The following GRIK2 variants were observed in gnomAD, a reference collection of about 807,000 sequenced individuals.
The protein encoded by GRIK2 is glutamate receptor ionotropic, kainate 2.
A neutral mutation model predicts 100.3 loss-of-function variants in GRIK2; 32 were observed. That is an observed-to-expected ratio of 0.32 (90% CI 0.24 to 0.43). GRIK2 has a LOEUF of 0.43. Ranked by LOEUF, GRIK2 falls within the 20% of genes least tolerant of loss-of-function variation. The pLI is 1.00. For missense variants in GRIK2, 843 were observed against 1,114.9 expected, an observed-to-expected ratio of 0.76 and a Z score of 3.47; for synonymous variants, 417 against 389.4, an observed-to-expected ratio of 1.07 and a Z score of -0.83.
intron 2 of GRIK2, among the ~76,000 whole-genome samples, chr6:101,555,795 T>C (rs1776709089): frequency 6.6e-6 from 1 of 152,194 alleles, no homozygotes; most frequent in Admixed American, 6.5e-5. Context: ...TTTATCTGTT[T>C]CTATTGAGGT....
At chr6:101,462,595 C>G (rs573266302) in intron 2 of GRIK2, among the ~76,000 whole-genome samples, 2 of 150,052 alleles carry the variant, frequency 1.3e-5, no homozygotes, top group African/African-American at 4.8e-5. Flanking sequence ...CTATTAGTAT[C>G]ATTACACACA....
chr6:101,422,399 A>T (rs1272789075), intron 2 of GRIK2, among the ~76,000 whole-genome samples: 1 of 152,148 alleles, frequency 6.6e-6, no homozygotes, highest in East Asian at 1.9e-4. Context: ...AGTAGGCTCA[A>T]GTATTACATG....
intron 10 of GRIK2, among the ~76,000 whole-genome samples, chr6:101,822,942 A>G (rs767082942): frequency 6.6e-6 from 1 of 152,156 alleles, no homozygotes; most frequent in Non-Finnish European, 1.5e-5. Flanking sequence ...TCAAAATAGC[A>G]TCTTGATTGA....
intron 14 of GRIK2, among the ~76,000 whole-genome samples, chr6:101,983,902 A>G (rs1262646507): frequency 6.6e-6 from 1 of 151,688 alleles, no homozygotes; most frequent in Non-Finnish European, 1.5e-5. Context: ...GAGAATCACC[A>G]TATATATATT....
chr6:101,688,061 A>T (rs1392448034), intron 7 of GRIK2, among the ~76,000 whole-genome samples: 1 of 147,136 alleles, frequency 6.8e-6, no homozygotes, highest in Non-Finnish European at 1.5e-5. Flanking sequence ...TTTTTATATA[A>T]TATATAAAAA....
At chr6:101,550,439 AT>A (rs751677975) in intron 2 of GRIK2, among the ~76,000 whole-genome samples, 3 of 152,174 alleles carry the variant, frequency 2.0e-5, no homozygotes, top group Non-Finnish European at 4.4e-5. Context: ...AGTTTGCTTA[AT>A]TTACAGCTTT....
chr6:101,939,872 G>T (rs182794391), intron 14 of GRIK2, among the ~76,000 whole-genome samples: 1 of 152,168 alleles, frequency 6.6e-6, no homozygotes, highest in East Asian at 1.9e-4. Context: ...AACCCAAGAT[G>T]GTTATGACTG....
intron 7 of GRIK2, among the ~76,000 whole-genome samples, chr6:101,782,511 T>A (rs925268529): frequency 2.0e-5 from 3 of 152,194 alleles, no homozygotes; most frequent in African/African-American, 7.2e-5. Flanking sequence ...TCCAATTCCA[T>A]CCATGTTGCT....
rs183802166 is a variant in GRIK2 at position 101,726,428 on chromosome 6, C to T, written c.951+40075C>T. Among the ~76,000 whole-genome samples the T allele has an allele frequency of 3.7e-3, 567 of 152,050 alleles. 12 individuals are homozygous for T. The highest frequency in any genetic ancestry group is 8.1e-4 in the Non-Finnish European group (55 of 67,932). ...TAATATATAATGTCTTCATGAATTGCTTCTAGTTCTGTTTTAATAATAAAC... is the reference window on the plus strand; with the variant it reads ...TAATATATAATGTCTTCATGAATTGTTTCTAGTTCTGTTTTAATAATAAAC... On this transcript the variant is annotated intron_variant, in intron 7 of 16. Coordinates refer to ENST00000369134, the MANE Select transcript of GRIK2 (RefSeq NM_021956.5).
intron 6 of GRIK2, among the ~76,000 whole-genome samples, chr6:101,683,356 A>G (rs2128342713): frequency 6.6e-6 from 1 of 152,334 alleles, no homozygotes; most frequent in South Asian, 2.1e-4. Context: ...TAGATTTTTT[A>G]AAAAGTCAAT....
intron 7 of GRIK2, among the ~76,000 whole-genome samples, chr6:101,708,522 A>G (rs2128357506): frequency 6.6e-6 from 1 of 151,804 alleles, no homozygotes; most frequent in Admixed American, 6.6e-5. Flanking sequence ...ATTTAATTTC[A>G]TGCCCATTGT....
Position 101,957,682 on chromosome 6 carries a change from A to G in GRIK2, c.2085+29050A>G, listed in dbSNP as rs189448898. Among the ~76,000 whole-genome samples, 7 of 152,124 alleles carry G rather than the reference A, an allele frequency of 4.6e-5. No homozygotes were observed. The East Asian group carries it at 1.4e-3, about 29-fold the overall frequency. On this transcript the variant is annotated intron_variant, in intron 14 of 16. Coordinates refer to ENST00000369134, the MANE Select transcript of GRIK2 (RefSeq NM_021956.5). ...TTTCAGATCTTACATTCAGGAATTT[A>G]ATTCATCTTGAGTTAATTTGTATAT... is the stretch of plus-strand genomic sequence containing the variant.
intron 7 of GRIK2, among the ~76,000 whole-genome samples, chr6:101,760,325 A>C (rs1257729634): frequency 1.6e-5 from 2 of 123,934 alleles, no homozygotes; most frequent in Non-Finnish European, 3.2e-5. Flanking sequence ...ATATATATTT[A>C]ATTATATATA....
chr6:101,471,408 A>G (rs1771939672), intron 2 of GRIK2, among the ~76,000 whole-genome samples: 1 of 152,058 alleles, frequency 6.6e-6, no homozygotes. Context: ...TTACTTCACT[A>G]TGATTGGTGT....
chr6:101,566,246 G>A (rs1164273956), intron 2 of GRIK2, among the ~76,000 whole-genome samples: 4 of 151,742 alleles, frequency 2.6e-5, no homozygotes, highest in African/African-American at 9.7e-5. Flanking sequence ...TTTGGTAAGT[G>A]TGATCATAAT....
intron 7 of GRIK2, among the ~76,000 whole-genome samples, chr6:101,758,571 G>T (rs1777284759): frequency 6.6e-6 from 1 of 152,126 alleles, no homozygotes; most frequent in Non-Finnish European, 1.5e-5. Flanking sequence ...GTACAGTTGG[G>T]AATGTGTCTA....
intron 2 of GRIK2, among the ~76,000 whole-genome samples, chr6:101,521,662 T>G (rs1774890171): frequency 6.6e-6 from 1 of 151,860 alleles, no homozygotes; most frequent in African/African-American, 2.4e-5. Flanking sequence ...AATAAGATAC[T>G]TTTTACTTTA....
chr6:101,559,219 G>A (rs1008142156), intron 2 of GRIK2, among the ~76,000 whole-genome samples: 2 of 151,822 alleles, frequency 1.3e-5, no homozygotes, highest in African/African-American at 4.8e-5. Context: ...TTATACCAGA[G>A]TTAAAATATA....
At chr6:101,932,915 A>G (rs1790378192) in intron 14 of GRIK2, among the ~76,000 whole-genome samples, 1 of 151,966 alleles carries the variant, frequency 6.6e-6, no homozygotes, top group African/African-American at 2.4e-5. Flanking sequence ...CTTCTACACC[A>G]GGGTGACAGT....
Sources: gnomAD v4.1 joint callset for allele counts (sites outside exome capture counted in the v4.1 genomes callset) on GRCh38, gnomAD v4.1.1 for gene constraint, MANE v1.5 for transcripts, NCBI Gene and HGNC (gene_info 2026-07-23, HGNC 2026-07-21) for gene names.